VRK2: variants seen among roughly 807,000 people sequenced by gnomAD.
VRK2 encodes the protein serine/threonine-protein kinase VRK2.
Under a neutral mutation model 57.6 loss-of-function variants are expected in VRK2, and 60 were observed. That is an observed-to-expected ratio of 1.04 (90% CI 0.85 to 1.29). VRK2 has a LOEUF of 1.29. Among genes scored for constraint, VRK2 ranks in the 50% most tolerant of loss-of-function variants. The pLI is 0.00. For synonymous variants in VRK2, 231 were observed against 199.2 expected (o/e 1.16, Z -1.35); for missense variants, 705 against 588.1 (o/e 1.20, Z -2.06).
At chr2:57,937,994 G>C (rs1285232977) in intron 1 of VRK2, among the ~76,000 whole-genome samples, 1 of 151,910 alleles carries the variant, frequency 6.6e-6, no homozygotes, top group Non-Finnish European at 1.5e-5. Context: ...ACCACACCCA[G>C]CTAATTTTTG....
At chr2:58,137,217 T>TGTATC (rs1297324634) in intron 10 of VRK2, among the ~76,000 whole-genome samples, 296 of 58,160 alleles carry the variant, frequency 5.1e-3, no homozygotes, top group East Asian at 0.014. Context: ...ATATGATACA[T>TGTATC]ATATATCATA....
intron 7 of VRK2, among the ~76,000 whole-genome samples, chr2:58,090,646 T>C (rs139460069): frequency 3.1e-4 from 47 of 152,240 alleles, no homozygotes; most frequent in Admixed American, 2.1e-3. Flanking sequence ...TGGAAGACAG[T>C]TGGGCAGTTA....
At chr2:58,064,372 C>T (rs1359601042) in intron 2 of VRK2, among the ~76,000 whole-genome samples, 3 of 152,012 alleles carry the variant, frequency 2.0e-5, no homozygotes, top group Non-Finnish European at 4.4e-5. Context: ...TCTTCAGCAC[C>T]CACTACCCTG....
intron 2 of VRK2, chr2:58,058,265 T>C (rs1676824122): frequency 2.2e-6 from 1 of 447,442 alleles, no homozygotes; most frequent in African/African-American, 2.0e-5. Flanking sequence ...TATTTAACTT[T>C]TGGGAATGAT....
At chr2:57,997,746 T>C (rs1165831100) in intron 1 of VRK2, among the ~76,000 whole-genome samples, 1 of 151,944 alleles carries the variant, frequency 6.6e-6, no homozygotes, top group Non-Finnish European at 1.5e-5. Flanking sequence ...CTACAAAAAT[T>C]AGCCAGGCAA....
intron 1 of VRK2, among the ~76,000 whole-genome samples, chr2:57,908,737 A>T (rs2678905): frequency 6.6e-6 from 1 of 151,964 alleles, no homozygotes; most frequent in African/African-American, 2.4e-5. Context: ...AGTAGTTTTT[A>T]ATGAGGCCAT....
intron 7 of VRK2, among the ~76,000 whole-genome samples, chr2:58,114,017 G>A (rs1176231960): frequency 6.6e-6 from 1 of 152,180 alleles, no homozygotes; most frequent in Non-Finnish European, 1.5e-5. Flanking sequence ...TAGAGTGGGA[G>A]AGATTAAGCT....
intron 7 of VRK2, among the ~76,000 whole-genome samples, chr2:58,118,570 G>A (rs931120940): frequency 1.3e-5 from 2 of 152,248 alleles, no homozygotes; most frequent in African/African-American, 4.8e-5. Context: ...AAATTGGTGA[G>A]ATGTTTCTTG....
At chr2:57,935,550 A>T (rs1182516241) in intron 1 of VRK2, among the ~76,000 whole-genome samples, 1 of 152,106 alleles carries the variant, frequency 6.6e-6, no homozygotes, top group Non-Finnish European at 1.5e-5. Context: ...AGTGAGACAC[A>T]TGGAGTTTTG....
chr2:57,940,682 A>T (rs1446711239), intron 1 of VRK2, among the ~76,000 whole-genome samples: 3 of 152,144 alleles, frequency 2.0e-5, no homozygotes, highest in African/African-American at 7.2e-5. Flanking sequence ...ATTTATTTAT[A>T]TGTTAGTTCT....
At chr2:57,975,440 T>C (rs57471952) in intron 1 of VRK2, among the ~76,000 whole-genome samples, 15,728 of 152,094 alleles carry the variant, frequency 0.1, 993 homozygotes, top group African/African-American at 0.16. Context: ...ATAACACAAA[T>C]GTATTATCTT....
intron 1 of VRK2, among the ~76,000 whole-genome samples, chr2:57,978,342 A>G (rs1403013556): frequency 6.6e-6 from 1 of 151,166 alleles, no homozygotes; most frequent in Admixed American, 6.6e-5. Context: ...CTACAAATTC[A>G]CAGTGTGGGA....
chr2:57,909,959 G>A (rs13420390), intron 1 of VRK2, among the ~76,000 whole-genome samples: 4,675 of 151,952 alleles, frequency 0.031, 228 homozygotes, highest in African/African-American at 0.11. Flanking sequence ...ATAATAACAG[G>A]TATTTTAGGA....
At chr2:58,105,883 G>GT (rs2104379352) in intron 7 of VRK2, among the ~76,000 whole-genome samples, 1 of 152,012 alleles carries the variant, frequency 6.6e-6, no homozygotes, top group South Asian at 2.1e-4. Context: ...TGTGTTTTAT[G>GT]TAGACACAGC....
chr2:57,958,148 A>C (rs1671642994), intron 1 of VRK2, among the ~76,000 whole-genome samples: 1 of 152,146 alleles, frequency 6.6e-6, no homozygotes, highest in Non-Finnish European at 1.5e-5. Flanking sequence ...TACTAAGAGG[A>C]GCTAAAGTAA....
intron 1 of VRK2, among the ~76,000 whole-genome samples, chr2:57,937,528 G>A (rs1002835424): frequency 1.3e-5 from 2 of 152,164 alleles, no homozygotes; most frequent in Non-Finnish European, 2.9e-5. Flanking sequence ...AATAGTGTAA[G>A]TGCATTATTT....
At chr2:58,040,971 T>G in intron 3 of VRK2, 3 of 910,082 alleles carry the variant, frequency 3.3e-6, no homozygotes, top group Non-Finnish European at 3.9e-6. Flanking sequence ...GTCAACTCTA[T>G]TCTTATTGAA....
intron 2 of VRK2, among the ~76,000 whole-genome samples, chr2:58,059,685 GTAA>G (rs1213403362): frequency 4.6e-5 from 7 of 151,678 alleles, no homozygotes; most frequent in Non-Finnish European, 1.0e-4. Flanking sequence ...TTATACAGTA[GTAA>G]TGATTATTAT....
At chr2:58,140,271 C>T (rs1428020357) in intron 11 of VRK2, among the ~76,000 whole-genome samples, 1 of 151,824 alleles carries the variant, frequency 6.6e-6, no homozygotes, top group Non-Finnish European at 1.5e-5. Context: ...CAGTTCTTTA[C>T]AGAAAATAAA....
Sources: gnomAD v4.1 joint callset for allele counts (sites outside exome capture counted in the v4.1 genomes callset) on GRCh38, gnomAD v4.1.1 for gene constraint, MANE v1.5 for transcripts, NCBI Gene and HGNC (gene_info 2026-07-23, HGNC 2026-07-21) for gene names.